Variants in MAMSTR observed in about 807,000 individuals in gnomAD.
MAMSTR encodes MEF2-activating motif and SAP domain-containing transcriptional regulator.
Under a neutral mutation model 42.7 loss-of-function variants are expected in MAMSTR, and 41 were observed. The ratio of observed to expected loss-of-function variants is 0.96; its 90% confidence interval spans 0.75 to 1.25. The LOEUF (loss-of-function observed/expected upper bound fraction) is 1.25, where lower values mean the gene tolerates loss of function less well. Among genes scored for constraint, MAMSTR ranks in the 50% most tolerant of loss-of-function variants. The pLI is 0.00. For synonymous variants in MAMSTR, 265 were observed against 244.1 expected (o/e 1.09, Z -0.80); for missense variants, 567 against 557.6 (o/e 1.02, Z -0.17).
chr19:48,706,508 A>T, the MAMSTR span, among the ~76,000 whole-genome samples: 3 of 151,878 alleles, frequency 2.0e-5, no homozygotes, highest in Non-Finnish European at 1.5e-5. Flanking sequence ...GTGGTGGTGC[A>T]TGCCTGTAAT....
rs1379029874 is a variant in MAMSTR, at chr19:48,719,511, C to T, written c.-22+168G>A. Among the ~76,000 whole-genome samples, 1 of 152,156 alleles carries T rather than the reference C, an allele frequency of 6.6e-6. No homozygotes were observed. The highest frequency in any genetic ancestry group is 2.1e-4 in the South Asian group (1 of 4,832). On this transcript the variant is annotated intron_variant, in intron 1 of 9. Coordinates refer to ENST00000318083, the MANE Select transcript of MAMSTR (RefSeq NM_001130915.2). This position sits in a 1 kb window ranked among gnomAD's most constrained non-coding sequence, Gnocchi z 4.4. ...CCAAGATCCTGGGTGGAGAGGGGAA[C>T]GGGGCCCTGACAGGTTTCTGAGGAA...
intron 7 of MAMSTR, 95 bp from the exon 8 acceptor site, chr19:48,714,140 G>T: frequency 7.5e-7 from 1 of 1,332,078 alleles, no homozygotes; most frequent in Non-Finnish European, 1.0e-6. Flanking sequence ...TGATCCTCTC[G>T]CGACCCCTCG....
intron 7 of MAMSTR, 29 bp downstream of exon 7, chr19:48,714,337 G>T (rs1247489055): frequency 7.4e-7 from 1 of 1,352,064 alleles, no homozygotes; most frequent in Non-Finnish European, 9.5e-7. Context: ...TCTCTTCATT[G>T]GTCCGCAAGC....
chr19:48,714,125 C>G, intron 7 of MAMSTR, 80 bp from the exon 8 acceptor site: 1 of 1,410,032 alleles, frequency 7.1e-7, no homozygotes, highest in Non-Finnish European at 9.4e-7. Context: ...TGTGGCTCCA[C>G]CCCTTGATCC....
At chr19:48,711,490 A>G (rs2032723639), downstream of MAMSTR, among the ~76,000 whole-genome samples, 1 of 152,194 alleles carries the variant, frequency 6.6e-6, no homozygotes, top group Non-Finnish European at 1.5e-5. Flanking sequence ...CAGTCAACCC[A>G]TGCATTTGTG....
rs1455446323 is a variant in MAMSTR, at chr19:48,713,121, A to G, written c.*146T>C. On this transcript the variant is annotated 3_prime_UTR_variant, in exon 10 of 10. Coordinates refer to ENST00000318083, the MANE Select transcript of MAMSTR (RefSeq NM_001130915.2). ...AAAGTTAAGGCAGTTGCATGTCAGCAGCACTTCAGGAGGCAGGTGGGGTTG... is the reference window on the plus strand; with the variant it reads ...AAAGTTAAGGCAGTTGCATGTCAGCGGCACTTCAGGAGGCAGGTGGGGTTG... 7.0e-6 allele frequency: 5 copies of G among 713,316 alleles called. No homozygotes were observed. The highest frequency in any genetic ancestry group is 3.5e-5 in the Admixed American group (1 of 28,786). 44.2% of individuals were successfully genotyped at this position (713,316 alleles called of 1,614,324 possible). A position where few individuals can be genotyped will look rare whatever the true frequency, so the allele number is the denominator to read the frequency against.
At chr19:48,710,579 GT>G (rs942215058), downstream of MAMSTR, among the ~76,000 whole-genome samples, 2 of 146,908 alleles carry the variant, frequency 1.4e-5, no homozygotes, top group Non-Finnish European at 3.0e-5. Flanking sequence ...GAACCACGGT[GT>G]TTGGCCCTGA....
rs1601259927 is a variant in MAMSTR, at chr19:48,719,272, C to T, written c.-21-220G>A. 1.3e-5 allele frequency among the ~76,000 whole-genome samples: 2 copies of T among 152,102 alleles called. No individual in the cohort carries two copies. The highest frequency in any genetic ancestry group is 1.9e-4 in the East Asian group (1 of 5,182). ...GGAAGGAGGAAGCTGGGGACCCAGA[C>T]ACCTGGTCTGAAAGACAGGGCTGAG... On this transcript the variant is annotated intron_variant, in intron 1 of 9. Transcript: ENST00000318083. This position sits in a 1 kb window ranked among gnomAD's most constrained non-coding sequence, Gnocchi z 4.4.
Position 48,713,750 on chromosome 19 carries a change from G to A in MAMSTR, c.930C>T (p.Ile310=), listed in dbSNP as rs1201904600. 2 of 1,614,210 alleles carry A rather than the reference G, an allele frequency of 1.2e-6. No homozygotes were observed. Among genetic ancestry groups the A allele is most frequent in the East Asian group, 2.2e-5 (1 of 44,884 alleles). ...RRAQLLPNRG[I]DDILEDQVEP... ...CCACCTGATCCTCCAGGATGTCATC[G>A]ATGCCCCGGTTAGGAAGCAACTGCG... Residue 310 remains isoleucine (I), a synonymous_variant, in exon 9 of 10, where the codon ATC becomes ATT. Coordinates refer to ENST00000318083, the MANE Select transcript of MAMSTR (RefSeq NM_001130915.2).
At position 48,715,398 on chromosome 19, in the gene MAMSTR, TC is replaced by T; in HGVS notation, c.288del (p.Asn97ThrfsTer2). The T allele has an allele frequency of 1.3e-6, 2 of 1,518,978 alleles. No individual in the cohort carries two copies. Among genetic ancestry groups the T allele is most frequent in the African/African-American group, 1.4e-5 (1 of 70,768 alleles). 94.1% of individuals were successfully genotyped at this position (1,518,978 alleles called of 1,614,324 possible). A position where few individuals can be genotyped will look rare whatever the true frequency, so the allele number is the denominator to read the frequency against. On this transcript the variant is annotated frameshift_variant, in exon 5 of 10. Coordinates refer to ENST00000318083, the MANE Select transcript of MAMSTR (RefSeq NM_001130915.2). LOFTEE classifies it high-confidence loss of function. Reference protein sequence around the residue: ...SQRWRESKPRGNLTYHQYMPP... With the variant: ...SQRWRESKPRXNLTYHQYMPP... ...GGCATGTACTGGTGGTATGTCAAGT[TC>T]CCCCTGGGCTTGGACTCCCTCCAAC... is the stretch of plus-strand genomic sequence containing the variant.
intron 6 of MAMSTR, 79 bp from the exon 7 acceptor site, chr19:48,714,639 G>A: frequency 1.4e-6 from 2 of 1,397,880 alleles, no homozygotes; most frequent in East Asian, 2.3e-5. Context: ...AGGATATTTG[G>A]AAACCGAGAA....
At chr19:48,711,946 CCGGGTTT>C (rs1184917632), downstream of MAMSTR, among the ~76,000 whole-genome samples, 6 of 14,482 alleles carry the variant, frequency 4.1e-4, no homozygotes, top group Admixed American at 2.9e-3. Context: ...CAGGGTTTCA[CCGGGTTT>C]CACCGTGTTA....
intron 5 of MAMSTR, 140 bp from the exon 6 acceptor site, chr19:48,715,048 T>G: frequency 1.5e-6 from 1 of 684,192 alleles, no homozygotes; most frequent in Non-Finnish European, 2.5e-6. Context: ...GGCGCAAACA[T>G]GGGGCTAGAT....
At chr19:48,718,615 T>G (rs1055417234) in intron 2 of MAMSTR, among the ~76,000 whole-genome samples, 3 of 152,216 alleles carry the variant, frequency 2.0e-5, no homozygotes, top group Admixed American at 6.5e-5. Context: ...TTTCACAGCT[T>G]GACAGCTCAT....
rs1314167334 is a variant in MAMSTR, at chr19:48,718,979, CG to C, written c.52del (p.Arg18AspfsTer81). 2.0e-6 allele frequency: 3 copies of C among 1,536,176 alleles called. No individual in the cohort carries two copies. In the East Asian group the frequency reaches 7.4e-5, roughly 38 times the overall value. On this transcript the variant is annotated frameshift_variant, in exon 2 of 10. Transcript: ENST00000318083. LOFTEE classifies it high-confidence loss of function. The stretch of plus-strand genomic sequence containing the variant: ...TAAAGAGAGCCCTCTCTCACCAGAT[CG>C]GAACTTGGAGCGAATGATTTGGGAA... ...QRSQIIRSKF[R>X]SVLQLRIHRR...
intron 2 of MAMSTR, 81 bp downstream of exon 2, chr19:48,718,893 C>T: frequency 1.5e-6 from 2 of 1,333,504 alleles, no homozygotes; most frequent in Non-Finnish European, 2.1e-6. Context: ...CCTCATGGGA[C>T]CTACCACCCC....
chr19:48,711,512 ATAGT>A (rs1601242822), downstream of MAMSTR, among the ~76,000 whole-genome samples: 1 of 152,098 alleles, frequency 6.6e-6, no homozygotes, highest in African/African-American at 2.4e-5. Flanking sequence ...GCAGTCATAG[ATAGT>A]TATTGTTTTA....
intron 2 of MAMSTR, among the ~76,000 whole-genome samples, chr19:48,717,686 C>A (rs974845880): frequency 2.6e-5 from 4 of 151,414 alleles, no homozygotes; most frequent in African/African-American, 9.7e-5. Flanking sequence ...AGGTGCTCAC[C>A]ACCACACCCG....
chr19:48,712,133 T>C (rs1239220472), downstream of MAMSTR, among the ~76,000 whole-genome samples: 7 of 152,122 alleles, frequency 4.6e-5, no homozygotes, highest in African/African-American at 1.7e-4. Context: ...CCTCAAGTGA[T>C]CTGCCTGCCT....
Sources: allele counts gnomAD v4.1 joint callset (sites outside exome capture counted in the v4.1 genomes callset), GRCh38; gene constraint gnomAD v4.1.1; non-coding constraint Gnocchi (gnomAD v3.1); transcripts MANE v1.5; gene names NCBI Gene and HGNC (gene_info 2026-07-23, HGNC 2026-07-21).